PLEKHM3: variants seen among roughly 807,000 people sequenced by gnomAD.
The protein encoded by PLEKHM3 is pleckstrin homology domain containing M3, also known as pleckstrin homology domain-containing family M member 3.
Under a neutral mutation model 81.8 loss-of-function variants are expected in PLEKHM3, and 45 were observed. That is an observed-to-expected ratio of 0.55 (90% CI 0.43 to 0.71). The LOEUF (loss-of-function observed/expected upper bound fraction) is 0.71. Among genes scored for constraint, PLEKHM3 ranks in the 30% least tolerant of loss-of-function variants. The pLI, the probability that PLEKHM3 is intolerant of heterozygous loss-of-function variation, is 0.00. For synonymous variants in PLEKHM3, 352 were observed against 356.4 expected (o/e 0.99, Z 0.14); for missense variants, 788 against 924.3 (o/e 0.85, Z 1.91).
chr2:207,839,937 A>C (rs1335396289), intron 7 of PLEKHM3, among the ~76,000 whole-genome samples: 1 of 152,104 alleles, frequency 6.6e-6, no homozygotes, highest in African/African-American at 2.4e-5. Context: ...TAAATAAATA[A>C]ATAAATAAAA....
intron 7 of PLEKHM3, among the ~76,000 whole-genome samples, chr2:207,832,789 C>T (rs1260946600): frequency 6.8e-6 from 1 of 147,012 alleles, no homozygotes; most frequent in East Asian, 2.1e-4. Flanking sequence ...GAGACTCCCT[C>T]CCCCTGCACC....
chr2:207,880,762 C>CACAAAAAAAAAAAA (rs2092585434), intron 6 of PLEKHM3, among the ~76,000 whole-genome samples: 1 of 6,974 alleles, frequency 1.4e-4, no homozygotes, highest in Non-Finnish European at 3.7e-4. Context: ...GACTCTGTCT[C>CACAAAAAAAAAAAA]AAAAAAAAAA....
chr2:207,980,365 C>T (rs10195504), intron 2 of PLEKHM3, among the ~76,000 whole-genome samples: 8,163 of 152,084 alleles, frequency 0.054, 705 homozygotes, highest in African/African-American at 0.18. Flanking sequence ...ATGAGAAGAC[C>T]GGCGAGGGAA....
At chr2:207,918,347 C>T (rs1355301106) in intron 5 of PLEKHM3, among the ~76,000 whole-genome samples, 1 of 152,040 alleles carries the variant, frequency 6.6e-6, no homozygotes, top group African/African-American at 2.4e-5. Flanking sequence ...ACGGTGAAAC[C>T]CCGTCTCTAC....
intron 6 of PLEKHM3, among the ~76,000 whole-genome samples, chr2:207,895,621 G>A (rs1688198740): frequency 6.6e-6 from 1 of 152,078 alleles, no homozygotes; most frequent in Non-Finnish European, 1.5e-5. Context: ...CCACCTCTTG[G>A]AAACCTCAGC....
chr2:208,015,171 ACTT>A (rs1328901190), intron 1 of PLEKHM3, among the ~76,000 whole-genome samples: 7 of 152,218 alleles, frequency 4.6e-5, no homozygotes, highest in African/African-American at 1.4e-4. Flanking sequence ...TATTATTACT[ACTT>A]TACAGACAAG....
intron 7 of PLEKHM3, among the ~76,000 whole-genome samples, chr2:207,850,978 C>T (rs927109589): frequency 6.6e-6 from 1 of 151,952 alleles, no homozygotes. Context: ...CACGATGAAA[C>T]CCCATCTCTA....
chr2:207,959,789 T>C (rs1690670034), intron 3 of PLEKHM3, among the ~76,000 whole-genome samples: 1 of 152,210 alleles, frequency 6.6e-6, no homozygotes, highest in Admixed American at 6.5e-5. Context: ...ATCCGAGTAG[T>C]GCTAGGAACA....
intron 7 of PLEKHM3, among the ~76,000 whole-genome samples, chr2:207,846,291 G>A (rs1371213797): frequency 1.3e-5 from 2 of 151,808 alleles, no homozygotes; most frequent in African/African-American, 2.4e-5. Context: ...ACAGGCGCCC[G>A]CCACCACACC....
intron 1 of PLEKHM3, among the ~76,000 whole-genome samples, chr2:208,005,524 T>C (rs1415000216): frequency 6.6e-6 from 1 of 152,184 alleles, no homozygotes; most frequent in Non-Finnish European, 1.5e-5. Context: ...CAGGGCTATA[T>C]GTTTTTGAGT....
chr2:207,865,794 AAAAAAAAAGATATATATATATATATATAT>A (rs1174380803), intron 6 of PLEKHM3, among the ~76,000 whole-genome samples: 3 of 43,856 alleles, frequency 6.8e-5, no homozygotes, highest in African/African-American at 3.7e-4. Flanking sequence ...AAAAAAAAAA[AAAAAAAAAGATATATATATATATATATAT>A]ATATATATAT....
At chr2:208,005,040 GTCTTGAAC>G (rs71412449) in intron 1 of PLEKHM3, among the ~76,000 whole-genome samples, 90,000 of 151,522 alleles carry the variant, frequency 0.59, 29,578 homozygotes, top group Non-Finnish European at 0.73. Flanking sequence ...TGCCAGGCTG[GTCTTGAAC>G]TCTTGAACTC....
chr2:207,921,527 C>T (rs191202229), intron 5 of PLEKHM3, among the ~76,000 whole-genome samples: 39 of 152,242 alleles, frequency 2.6e-4, no homozygotes, highest in Middle Eastern at 3.4e-3. Flanking sequence ...ATTCAAAATG[C>T]ACTTTTCTAG....
intron 6 of PLEKHM3, among the ~76,000 whole-genome samples, chr2:207,885,142 C>T (rs534959200): frequency 1.8e-4 from 28 of 152,184 alleles, no homozygotes; most frequent in Non-Finnish European, 3.4e-4. Context: ...CGGAGCGATC[C>T]GGTGGCGTGG....
chr2:207,843,221 C>T lies in PLEKHM3; in HGVS notation c.2109-14725G>A, dbSNP rs538037847. 6.3e-4 allele frequency among the ~76,000 whole-genome samples: 96 copies of T among 152,228 alleles called. No homozygotes were observed. The highest frequency in any genetic ancestry group is 2.3e-3 in the African/African-American group (95 of 41,552). ...TGTCTCAGCCTCCCAAAGTGTTGGC[C>T]TCCTTTGGCCTCCCAAAGTGTTGAG... On this transcript the variant is annotated intron_variant, in intron 7 of 7. Transcript: ENST00000427836. The surrounding 1 kb of genome is among the most constrained non-coding windows in gnomAD (Gnocchi z 4.4).
At chr2:207,982,817 A>T (rs1691581080) in intron 2 of PLEKHM3, among the ~76,000 whole-genome samples, 1 of 151,814 alleles carries the variant, frequency 6.6e-6, no homozygotes, top group Non-Finnish European at 1.5e-5. Flanking sequence ...TGACCTCGTG[A>T]TCTGCTTGCC....
intron 2 of PLEKHM3, among the ~76,000 whole-genome samples, chr2:207,978,780 C>T (rs771279764): frequency 6.6e-6 from 1 of 152,250 alleles, no homozygotes; most frequent in Non-Finnish European, 1.5e-5. Context: ...ACCTCGCCTA[C>T]ACACATGCAT....
intron 6 of PLEKHM3, among the ~76,000 whole-genome samples, chr2:207,905,829 G>A (rs1688582726): frequency 6.6e-6 from 1 of 152,134 alleles, no homozygotes; most frequent in African/African-American, 2.4e-5. Context: ...TGATTAAGCT[G>A]CTTATGGGGC....
At chr2:207,892,811 ACCTCACAGTCGCCGAGTT>A in intron 6 of PLEKHM3, among the ~76,000 whole-genome samples, 1 of 152,168 alleles carries the variant, frequency 6.6e-6, no homozygotes, top group East Asian at 1.9e-4. Flanking sequence ...AGGGGCCAAG[ACCTCACAGTCGCCGAGTT>A]CCAAATCCTT....
Sources: allele counts gnomAD v4.1 joint callset (sites outside exome capture counted in the v4.1 genomes callset), GRCh38; gene constraint gnomAD v4.1.1; non-coding constraint Gnocchi (gnomAD v3.1); transcripts MANE v1.5; gene names NCBI Gene and HGNC (gene_info 2026-07-23, HGNC 2026-07-21).